The following ATRX variants were observed in gnomAD, a reference collection of about 807,000 sequenced individuals.
ATRX encodes the protein chromatin remodeler ATRX.
In ATRX, 12 loss-of-function variants were observed where a neutral mutation model predicts 172.6. That is an observed-to-expected ratio of 0.07 (90% confidence interval 0.04 to 0.11). The LOEUF (loss-of-function observed/expected upper bound fraction) is 0.11, where lower values mean the gene tolerates loss of function less well. ATRX is among the 10% of genes least tolerant of loss of function. The pLI is 1.00. For missense variants in ATRX, 1,368 were observed against 1,767.4 expected, an observed-to-expected ratio of 0.77 and a Z score of 4.05; for synonymous variants, 674 against 594.7, an observed-to-expected ratio of 1.13 and a Z score of -1.94.
rs2071461527 is a variant in ATRX, at chrX:77,684,803, G to A, written c.662+136C>T. 3 of 757,581 alleles carry A rather than the reference G, an allele frequency of 4.0e-6. No homozygotes were observed. The East Asian group carries it at 9.7e-5, about 24-fold the overall frequency. 62.4% of individuals were successfully genotyped at this position (757,581 alleles called of 1,213,427 possible). On this transcript the variant is annotated intron_variant, in intron 8 of 34. Transcript: ENST00000373344. ...AAACTTAAACTAGACATAAATCCAG[G>A]GTTTTATGGAAAAGAACAACCTTTC... is the stretch of plus-strand genomic sequence containing the variant.
chrX:77,715,228 C>T (rs782818211), intron 2 of ATRX, among the ~76,000 whole-genome samples: 29 of 111,834 alleles, frequency 2.6e-4, no homozygotes, highest in Non-Finnish European at 5.3e-4. Context: ...CATCGGTGGT[C>T]CCATAAGATT....
chrX:77,557,033 T>A lies in ATRX; in HGVS notation c.6699+418A>T, dbSNP rs782233091. Among the ~76,000 whole-genome samples the A allele has an allele frequency of 5.4e-5, 6 of 111,903 alleles. No homozygotes were observed. The East Asian group carries it at 1.7e-3, about 31-fold the overall frequency. ...TGTTTTTCTTAGTATTCTCTCACAG[T>A]ATACCTCTCAAAGTCAGCAAATAAT... On this transcript the variant is annotated intron_variant, in intron 30 of 34. Coordinates refer to ENST00000373344, the MANE Select transcript of ATRX (RefSeq NM_000489.6).
intron 1 of ATRX, among the ~76,000 whole-genome samples, chrX:77,729,931 T>C (rs1348459682): frequency 3.6e-5 from 4 of 111,647 alleles, no homozygotes; most frequent in African/African-American, 1.3e-4. Context: ...AGCAAGACCG[T>C]CTCGGAAAAA....
chrX:77,719,198 G>A (rs1371334283), intron 1 of ATRX, among the ~76,000 whole-genome samples: 5 of 111,158 alleles, frequency 4.5e-5, no homozygotes, highest in Non-Finnish European at 7.5e-5. Flanking sequence ...TTCAAATCCT[G>A]TATCTCATGA....
At chrX:77,724,445 T>C (rs2073939039) in intron 1 of ATRX, among the ~76,000 whole-genome samples, 2 of 108,945 alleles carry the variant, frequency 1.8e-5, no homozygotes, top group Non-Finnish European at 3.8e-5. Context: ...TTGACCAAGC[T>C]GGTCTTCAAA....
intron 28 of ATRX, among the ~76,000 whole-genome samples, chrX:77,570,605 TACA>T (rs2065375875): frequency 9.0e-6 from 1 of 111,473 alleles, no homozygotes; most frequent in Non-Finnish European, 1.9e-5. Flanking sequence ...ACTTGTAAAA[TACA>T]ACACAGGACA....
At chrX:77,768,472 C>T (rs1264891556) in intron 1 of ATRX, among the ~76,000 whole-genome samples, 1 of 112,210 alleles carries the variant, frequency 8.9e-6, no homozygotes, top group African/African-American at 3.2e-5. Flanking sequence ...AACTGTCCAG[C>T]TGACTTTTTT....
intron 27 of ATRX, among the ~76,000 whole-genome samples, chrX:77,581,512 T>C (rs1339095991): frequency 8.9e-6 from 1 of 111,736 alleles, no homozygotes; most frequent in Admixed American, 9.5e-5. Flanking sequence ...CAAGAGGATA[T>C]AACAATTTAA....
intron 1 of ATRX, among the ~76,000 whole-genome samples, chrX:77,766,665 C>T (rs2075959874): frequency 1.9e-5 from 2 of 106,674 alleles, no homozygotes; most frequent in African/African-American, 6.9e-5. Flanking sequence ...GATGGGATGG[C>T]GGCCGGGAAA....
chrX:77,724,868 C>T (rs2073958138), intron 1 of ATRX, among the ~76,000 whole-genome samples: 1 of 111,497 alleles, frequency 9.0e-6, no homozygotes, highest in Non-Finnish European at 1.9e-5. Context: ...AGAGATGATC[C>T]CTGGAAATGT....
chrX:77,694,005 T>TG, intron 5 of ATRX, 68 bp from the exon 6 acceptor site: 1 of 870,244 alleles, frequency 1.1e-6, no homozygotes, highest in Non-Finnish European at 1.7e-6. Context: ...AGACTTCAGT[T>TG]CAGATAAAGC....
intron 10 of ATRX, chrX:77,674,907 T>C (rs1416413331): frequency 2.7e-5 from 3 of 111,856 alleles, no homozygotes; most frequent in Middle Eastern, 4.7e-3. Flanking sequence ...TAAATGGATA[T>C]ACATTTTTTA....
chrX:77,735,129 G>A (rs2074483363), intron 1 of ATRX, among the ~76,000 whole-genome samples: 1 of 111,020 alleles, frequency 9.0e-6, no homozygotes, highest in African/African-American at 3.3e-5. Flanking sequence ...ATAAATAAAT[G>A]GTGCCGGGAA....
chrX:77,720,936 T>C (rs1463814610), intron 1 of ATRX, among the ~76,000 whole-genome samples: 1 of 111,770 alleles, frequency 8.9e-6, no homozygotes, highest in Non-Finnish European at 1.9e-5. Context: ...AATAAAATAC[T>C]GGCAAGCCGA....
chrX:77,696,843 T>C, intron 4 of ATRX, 139 bp from the exon 5 acceptor site: 1 of 578,499 alleles, frequency 1.7e-6, no homozygotes, highest in East Asian at 3.5e-5. Context: ...GAAGCATGTA[T>C]GTCTATACCA....
At chrX:77,530,769 AAC>A (rs1557046082) in intron 30 of ATRX, among the ~76,000 whole-genome samples, 1 of 111,308 alleles carries the variant, frequency 9.0e-6, no homozygotes, top group Non-Finnish European at 1.9e-5. Context: ...AGCTGAAGCA[AAC>A]AGAGACATGG....
At chrX:77,514,026 A>G (rs1833648099) in intron 34 of ATRX, among the ~76,000 whole-genome samples, 1 of 111,394 alleles carries the variant, frequency 9.0e-6, no homozygotes, top group African/African-American at 3.3e-5. Context: ...ATAAAGAATA[A>G]AATACCTAGG....
chrX:77,765,064 G>C (rs2075860370), intron 1 of ATRX, among the ~76,000 whole-genome samples: 1 of 110,929 alleles, frequency 9.0e-6, no homozygotes, highest in Non-Finnish European at 1.9e-5. Flanking sequence ...CTACTCGGGA[G>C]GCTGAGGCAG....
At chrX:77,652,572 C>T (rs1239119329) in intron 14 of ATRX, among the ~76,000 whole-genome samples, 6 of 106,601 alleles carry the variant, frequency 5.6e-5, no homozygotes, top group Non-Finnish European at 9.7e-5. Flanking sequence ...GAGGCCGAGG[C>T]GGGTGGATCA....
Sources: gnomAD v4.1 joint callset for allele counts (sites outside exome capture counted in the v4.1 genomes callset) on GRCh38, gnomAD v4.1.1 for gene constraint, MANE v1.5 for transcripts, NCBI Gene and HGNC (gene_info 2026-07-23, HGNC 2026-07-21) for gene names.